The following TMEM178B variants were observed in gnomAD, a reference collection of about 807,000 sequenced individuals.
TMEM178B encodes transmembrane protein 178B.
A neutral mutation model predicts 31.0 loss-of-function variants in TMEM178B; 5 were observed. The observed-to-expected ratio is 0.16, with a 90% CI of 0.08 to 0.34. The LOEUF is 0.34. TMEM178B is among the 10% of genes least tolerant of loss of function. The probability of loss-of-function intolerance (pLI) is 1.00; values close to 1 mark genes in which losing one functional copy is unlikely to be tolerated. For missense variants in TMEM178B, 275 were observed against 400.3 expected (o/e 0.69, Z 2.67); for synonymous variants, 164 against 164.0 (o/e 1.00, Z 0.00).
chr7:141,132,367 A>G (rs904485688), intron 1 of TMEM178B, among the ~76,000 whole-genome samples: 11 of 152,242 alleles, frequency 7.2e-5, no homozygotes, highest in Admixed American at 5.9e-4. Flanking sequence ...GTGCTGGCAC[A>G]TAATAAATAT....
chr7:141,220,356 TAATAA>T (rs1358807176), intron 2 of TMEM178B, among the ~76,000 whole-genome samples: 72 of 85,362 alleles, frequency 8.4e-4, no homozygotes, highest in Middle Eastern at 0.013. Context: ...ATAATAATAA[TAATAA>T]AATAATAAAT....
rs533033141 is a variant in TMEM178B at position 141,303,730 on chromosome 7, A to T, written c.496+91026A>T. Reference sequence around the variant, plus strand: ...CACCTGATGGAGGCAAAGACATTGAATGTTTTGGGGGTAAGAAAATGCAGT... The same window carrying T: ...CACCTGATGGAGGCAAAGACATTGATTGTTTTGGGGGTAAGAAAATGCAGT... On this transcript the variant is annotated intron_variant, in intron 2 of 3. Coordinates refer to ENST00000565468, the MANE Select transcript of TMEM178B (RefSeq NM_001195278.2). Among the ~76,000 whole-genome samples the T allele has an allele frequency of 2.6e-5, 4 of 152,314 alleles. No individual in the cohort carries two copies. In the South Asian group the frequency reaches 8.3e-4, roughly 32 times the overall value.
chr7:141,224,621 G>A (rs1797310847), intron 2 of TMEM178B, among the ~76,000 whole-genome samples: 1 of 152,196 alleles, frequency 6.6e-6, no homozygotes, highest in Non-Finnish European at 1.5e-5. Context: ...AGAGGCAGCA[G>A]GGCAAAGATC....
At chr7:141,174,744 G>T (rs1288332936) in intron 1 of TMEM178B, among the ~76,000 whole-genome samples, 1 of 152,088 alleles carries the variant, frequency 6.6e-6, no homozygotes, top group African/African-American at 2.4e-5. Context: ...ATGTTTGTTG[G>T]CCACATAAAT....
At chr7:141,196,808 C>T (rs1177365731) in intron 1 of TMEM178B, among the ~76,000 whole-genome samples, 2 of 152,088 alleles carry the variant, frequency 1.3e-5, no homozygotes, top group Admixed American at 6.6e-5. Flanking sequence ...AATTGGTCTT[C>T]AAGGGGCCTG....
chr7:141,174,420 A>G (rs574162370), intron 1 of TMEM178B, among the ~76,000 whole-genome samples: 2 of 152,308 alleles, frequency 1.3e-5, no homozygotes, highest in African/African-American at 2.4e-5. Context: ...CGCAATAAAC[A>G]TAAGTGCGCA....
At chr7:141,423,501 G>C (rs975879362) in intron 2 of TMEM178B, among the ~76,000 whole-genome samples, 1 of 152,194 alleles carries the variant, frequency 6.6e-6, no homozygotes, top group Admixed American at 6.5e-5. Context: ...ACCCACATGA[G>C]CTGGTGGCTA....
At chr7:141,400,740 G>A (rs188789246) in intron 2 of TMEM178B, among the ~76,000 whole-genome samples, 41 of 152,340 alleles carry the variant, frequency 2.7e-4, no homozygotes, top group Middle Eastern at 3.4e-3. Context: ...GGCTTCAGGA[G>A]AAAGTAACCT....
At chr7:141,269,096 C>CTT (rs34014878) in intron 2 of TMEM178B, among the ~76,000 whole-genome samples, 3,646 of 140,326 alleles carry the variant, frequency 0.026, 167 homozygotes, top group African/African-American at 0.086. Flanking sequence ...AATTTTTTTT[C>CTT]TTTTTTTTTT....
intron 1 of TMEM178B, among the ~76,000 whole-genome samples, chr7:141,093,964 A>C (rs1226589163): frequency 6.6e-6 from 1 of 152,212 alleles, no homozygotes. Flanking sequence ...TTTTGGTATA[A>C]ATATAAAGAA....
chr7:141,313,525 T>C (rs1798949247), intron 2 of TMEM178B, among the ~76,000 whole-genome samples: 1 of 152,232 alleles, frequency 6.6e-6, no homozygotes, highest in Non-Finnish European at 1.5e-5. Flanking sequence ...CACAGACATT[T>C]TCTTTTGAGG....
chr7:141,085,731 C>A (rs1039634469), intron 1 of TMEM178B, among the ~76,000 whole-genome samples: 2 of 151,974 alleles, frequency 1.3e-5, no homozygotes, highest in Admixed American at 1.3e-4. Flanking sequence ...ATTCACAGGC[C>A]TGGATGGGCT....
rs1184633759 is a variant in TMEM178B at position 141,474,359 on chromosome 7, G to C, written c.*3573G>C. On this transcript the variant is annotated 3_prime_UTR_variant, in exon 4 of 4. Transcript: ENST00000565468. The stretch of plus-strand genomic sequence containing the variant: ...ATTAACATAGACAAGTGATTCATCT[G>C]TAGAGAGGCTCCTAGACTCCAAGCA... 6.6e-6 allele frequency: 1 copy of C among 152,144 alleles called. No individual in the cohort carries two copies. Among genetic ancestry groups the C allele is most frequent in the Admixed American group, 6.5e-5 (1 of 15,280 alleles). The allele number at this position is 152,144 out of a possible 1,614,324, so 9.4% of individuals were successfully genotyped here. A position where few individuals can be genotyped will look rare whatever the true frequency, so the allele number is the denominator to read the frequency against.
intron 1 of TMEM178B, among the ~76,000 whole-genome samples, chr7:141,168,900 C>T (rs994601800): frequency 1.3e-5 from 2 of 152,080 alleles, no homozygotes; most frequent in Non-Finnish European, 2.9e-5. Context: ...TATTTTGATA[C>T]AAGCATACAA....
At chr7:141,260,512 G>A (rs918450548) in intron 2 of TMEM178B, among the ~76,000 whole-genome samples, 2 of 152,062 alleles carry the variant, frequency 1.3e-5, no homozygotes, top group African/African-American at 4.8e-5. Context: ...CCCCATCCTT[G>A]TATTTTGGTC....
At chr7:141,233,479 C>T (rs1797478955) in intron 2 of TMEM178B, among the ~76,000 whole-genome samples, 1 of 152,196 alleles carries the variant, frequency 6.6e-6, no homozygotes, top group African/African-American at 2.4e-5. Flanking sequence ...AAGTGATAGT[C>T]CACCGTAAGC....
At chr7:141,248,551 A>G (rs972270551) in intron 2 of TMEM178B, among the ~76,000 whole-genome samples, 8 of 152,236 alleles carry the variant, frequency 5.3e-5, no homozygotes, top group Admixed American at 3.9e-4. Flanking sequence ...CACCTGGGCT[A>G]CATGATATAG....
rs192113253 is a variant in TMEM178B at position 141,150,319 on chromosome 7, A to G, written c.383-62272A>G. ...ATGTCGGATATTCTTGACTTTTTGT[A>G]GGTCCAAGTCAGGATGCAATTTTTC... On this transcript the variant is annotated intron_variant, in intron 1 of 3. Coordinates refer to ENST00000565468, the MANE Select transcript of TMEM178B (RefSeq NM_001195278.2). 2.0e-5 allele frequency among the ~76,000 whole-genome samples: 3 copies of G among 152,330 alleles called. No individual in the cohort carries two copies. The East Asian group carries it at 5.8e-4, about 29-fold the overall frequency.
At chr7:141,369,129 G>C (rs1800063292) in intron 2 of TMEM178B, among the ~76,000 whole-genome samples, 1 of 152,120 alleles carries the variant, frequency 6.6e-6, no homozygotes, top group Non-Finnish European at 1.5e-5. Flanking sequence ...CTTCTCAACT[G>C]TTCCTCTGGT....
Sources: allele counts gnomAD v4.1 joint callset (sites outside exome capture counted in the v4.1 genomes callset), GRCh38; gene constraint gnomAD v4.1.1; transcripts MANE v1.5; gene names NCBI Gene and HGNC (gene_info 2026-07-23, HGNC 2026-07-21).